KIRREL3: variants seen among roughly 807,000 people sequenced by gnomAD.
KIRREL3 encodes the protein kin of IRRE-like protein 3.
Under a neutral mutation model 89.7 loss-of-function variants are expected in KIRREL3, and 36 were observed. The ratio of observed to expected loss-of-function variants is 0.40; its 90% CI spans 0.31 to 0.53. KIRREL3 has a LOEUF of 0.53. Among genes scored for constraint, KIRREL3 ranks in the 20% least tolerant of loss-of-function variants. KIRREL3 has a pLI of 0.49. For missense variants in KIRREL3, 864 were observed against 1,056.6 expected (o/e 0.82, Z 2.53); for synonymous variants, 445 against 441.4 (o/e 1.01, Z -0.10).
intron 1 of KIRREL3, among the ~76,000 whole-genome samples, chr11:126,874,834 C>T (rs1387937777): frequency 6.6e-6 from 1 of 152,126 alleles, no homozygotes; most frequent in Non-Finnish European, 1.5e-5. Flanking sequence ...GGTGAAGCAA[C>T]GTCAGACACA....
Position 126,976,044 on chromosome 11 carries a change from T to C in KIRREL3, c.55+24411A>G, listed in dbSNP as rs1281353624. On this transcript the variant is annotated intron_variant, in intron 1 of 16. Transcript: ENST00000525144. This position sits in a 1 kb window ranked among gnomAD's most constrained non-coding sequence, Gnocchi z 4.2. ...GGACAGAGCATACCCATTCCAGATG[T>C]GGGTCACATCAGCAGAGGGTGCCAT... Among the ~76,000 whole-genome samples the C allele has an allele frequency of 1.3e-5, 2 of 151,602 alleles. No homozygotes were observed. The highest frequency in any genetic ancestry group is 2.9e-5 in the Non-Finnish European group (2 of 67,940).
chr11:126,549,642 C>T (rs538422637), intron 2 of KIRREL3: 1 of 152,386 alleles, frequency 6.6e-6, no homozygotes, highest in Admixed American at 6.5e-5. Context: ...GTGATGAAGC[C>T]TTTGAGGCTG....
Position 126,523,437 on chromosome 11 carries a change from C to G in KIRREL3, c.284-1973G>C, listed in dbSNP as rs532237358. ...ATCCTCTGCCAGCCTTCCTGGCATG[C>G]TCTGGAGTGCTTCCTGTGCAGCTGG... On this transcript the variant is annotated intron_variant, in intron 3 of 16. Transcript: ENST00000525144. This position sits in a 1 kb window ranked among gnomAD's most constrained non-coding sequence, Gnocchi z 4.9. 6.6e-6 allele frequency among the ~76,000 whole-genome samples: 1 copy of G among 152,286 alleles called. No individual in the cohort carries two copies. The highest frequency in any genetic ancestry group is 2.1e-4 in the South Asian group (1 of 4,818).
At position 126,566,881 on chromosome 11, in the gene KIRREL3, A is replaced by G. The variant is rs80035300; in HGVS notation, c.56-3969T>C. Among the ~76,000 whole-genome samples the G allele has an allele frequency of 1.0e-3, 155 of 152,306 alleles. 1 individual carries two copies. Among genetic ancestry groups the G allele is most frequent in the African/African-American group, 3.6e-3 (150 of 41,564 alleles). On this transcript the variant is annotated intron_variant, in intron 1 of 16. Coordinates refer to ENST00000525144, the MANE Select transcript of KIRREL3 (RefSeq NM_032531.4). This position sits in a 1 kb window ranked among gnomAD's most constrained non-coding sequence, Gnocchi z 4.9. Reference sequence around the variant, plus strand: ...GACACAGGCAAGTCAGAAATTATCTATTTCATTTTGGTTTCACAAACTGAG... The same window carrying G: ...GACACAGGCAAGTCAGAAATTATCTGTTTCATTTTGGTTTCACAAACTGAG...
Position 126,823,900 on chromosome 11 carries a change from G to A in KIRREL3, c.55+176555C>T, listed in dbSNP as rs377182214. ...GGTGCTAAGCACACTCCGGGAGGCCGGGGCAGGTGGGCAGGGACCAGGTGA... is the reference window on the plus strand; with the variant it reads ...GGTGCTAAGCACACTCCGGGAGGCCAGGGCAGGTGGGCAGGGACCAGGTGA... On this transcript the variant is annotated intron_variant, in intron 1 of 16. Transcript: ENST00000525144. Among the ~76,000 whole-genome samples the A allele has an allele frequency of 1.2e-3, 180 of 152,278 alleles. 1 individual carries two copies. In the South Asian group the frequency reaches 0.036, roughly 30 times the overall value.
intron 2 of KIRREL3, among the ~76,000 whole-genome samples, chr11:126,556,300 TAGGACTTGCTG>T (rs1228460102): frequency 6.6e-6 from 1 of 151,908 alleles, no homozygotes; most frequent in Non-Finnish European, 1.5e-5. Flanking sequence ...ATAACATCCC[TAGGACTTGCTG>T]AGGACTGGAT....
At chr11:126,461,385 C>A (rs1449097252) in intron 6 of KIRREL3, among the ~76,000 whole-genome samples, 1 of 152,196 alleles carries the variant, frequency 6.6e-6, no homozygotes, top group Non-Finnish European at 1.5e-5. Context: ...CAGGGCCAGC[C>A]CTGCTTGCAC....
chr11:126,823,964 G>C (rs1943318315), intron 1 of KIRREL3, among the ~76,000 whole-genome samples: 2 of 152,182 alleles, frequency 1.3e-5, no homozygotes. Flanking sequence ...CCTGTAGATT[G>C]TTCTGGATTT....
Position 126,615,887 on chromosome 11 carries a change from A to G in KIRREL3, c.56-52975T>C, listed in dbSNP as rs531048538. On this transcript the variant is annotated intron_variant, in intron 1 of 16. Transcript: ENST00000525144. This position sits in a 1 kb window ranked among gnomAD's most constrained non-coding sequence, Gnocchi z 5.4. Reference sequence around the variant, plus strand: ...CTTGCCTGCATTAAGCCTTTTGGTCATATGTCTGGGGAGCAGACTTCTTTG... The same window carrying G: ...CTTGCCTGCATTAAGCCTTTTGGTCGTATGTCTGGGGAGCAGACTTCTTTG... Among the ~76,000 whole-genome samples, 189 of 152,294 alleles carry G rather than the reference A, an allele frequency of 1.2e-3. 5 individuals carry two copies. In the South Asian group the frequency reaches 0.036, roughly 29 times the overall value.
chr11:126,815,917 A>ACCACACGACGACAGTTTTAACTG (rs1369870972), intron 1 of KIRREL3, among the ~76,000 whole-genome samples: 1 of 152,094 alleles, frequency 6.6e-6, no homozygotes, highest in Admixed American at 6.5e-5. Flanking sequence ...ATAAGCAAAA[A>ACCACACGACGACAGTTTTAACTG]CCACACGACG....
chr11:126,588,010 T>C (rs480363), intron 1 of KIRREL3, among the ~76,000 whole-genome samples: 55,576 of 151,990 alleles, frequency 0.37, 10,372 homozygotes, highest in East Asian at 0.58. Flanking sequence ...GGGGAAAGCA[T>C]TGGGCCATGA....
intron 5 of KIRREL3, among the ~76,000 whole-genome samples, chr11:126,464,392 ATGGTGGC>A (rs978660962): frequency 5.3e-5 from 8 of 151,292 alleles, no homozygotes; most frequent in Non-Finnish European, 1.2e-4. Context: ...TTAGCCAGGC[ATGGTGGC>A]TTGTGCCTGT....
intron 5 of KIRREL3, among the ~76,000 whole-genome samples, chr11:126,464,526 G>A (rs886303646): frequency 1.5e-5 from 2 of 137,816 alleles, no homozygotes; most frequent in African/African-American, 5.5e-5. Flanking sequence ...GTGAGACCCT[G>A]CCTCAGAAGA....
Position 126,600,698 on chromosome 11 carries a change from A to G in KIRREL3, c.56-37786T>C, listed in dbSNP as rs535816284. ...ATAGCTGAAATAGAGCTCCAATGAG[A>G]TGATTCCTGGTTTCTACTAGGAATA... On this transcript the variant is annotated intron_variant, in intron 1 of 16. Transcript: ENST00000525144. Among the ~76,000 whole-genome samples the G allele has an allele frequency of 2.1e-3, 315 of 152,348 alleles. 1 individual carries two copies. Among genetic ancestry groups the G allele is most frequent in the East Asian group, 3.3e-3 (17 of 5,186 alleles).
Position 126,694,521 on chromosome 11 carries a change from C to G in KIRREL3, c.56-131609G>C, listed in dbSNP as rs578191863. Among the ~76,000 whole-genome samples, 2 of 152,026 alleles carry G rather than the reference C, an allele frequency of 1.3e-5. No homozygotes were observed. Among genetic ancestry groups the G allele is most frequent in the Non-Finnish European group, 2.9e-5 (2 of 67,982 alleles). The stretch of plus-strand genomic sequence containing the variant: ...TGCTCAGGCCTCCATCAGCTCCAGG[C>G]GGGTGTGGGGAATGCTGTTCTAGGG... On this transcript the variant is annotated intron_variant, in intron 1 of 16. Transcript: ENST00000525144. The surrounding 1 kb of genome is among the most constrained non-coding windows in gnomAD (Gnocchi z 4.4).
chr11:126,646,095 C>T (rs143914998), intron 1 of KIRREL3, among the ~76,000 whole-genome samples: 6 of 152,130 alleles, frequency 3.9e-5, no homozygotes, highest in East Asian at 3.9e-4. Flanking sequence ...GCTTTACAGC[C>T]GGCAGCTAAT....
At position 126,795,149 on chromosome 11, in the gene KIRREL3, ATGTAATGGT is replaced by A. The variant is rs1295991843; in HGVS notation, c.55+205297_55+205305del. Among the ~76,000 whole-genome samples, 2 of 152,194 alleles carry A rather than the reference ATGTAATGGT, an allele frequency of 1.3e-5. No homozygotes were observed. Among genetic ancestry groups the A allele is most frequent in the Non-Finnish European group, 2.9e-5 (2 of 68,036 alleles). On this transcript the variant is annotated intron_variant, in intron 1 of 16. Transcript: ENST00000525144. The surrounding 1 kb of genome is among the most constrained non-coding windows in gnomAD (Gnocchi z 4.1). ...GGCACTGAAACTATTCTGTATGATC[ATGTAATGGT>A]GGATACATGTCATCACACATTTGGC...
chr11:126,673,012 C>A (rs751408942), intron 1 of KIRREL3, among the ~76,000 whole-genome samples: 2 of 152,212 alleles, frequency 1.3e-5, no homozygotes, highest in Non-Finnish European at 2.9e-5. Flanking sequence ...CCTGGCCCTC[C>A]TCCGTCTCTG....
At chr11:126,770,460 A>T (rs1949985006) in intron 1 of KIRREL3, among the ~76,000 whole-genome samples, 1 of 152,210 alleles carries the variant, frequency 6.6e-6, no homozygotes, top group Non-Finnish European at 1.5e-5. Context: ...ATTCATTTGC[A>T]CCAGGGGATT....
Sources: allele counts gnomAD v4.1 joint callset (sites outside exome capture counted in the v4.1 genomes callset), GRCh38; gene constraint gnomAD v4.1.1; non-coding constraint Gnocchi (gnomAD v3.1); transcripts MANE v1.5; gene names NCBI Gene and HGNC (gene_info 2026-07-23, HGNC 2026-07-21).